The following BMPER variants were observed in gnomAD, a reference collection of about 807,000 sequenced individuals.
BMPER encodes BMP binding endothelial regulator.
In BMPER, 45 loss-of-function variants were observed where a neutral mutation model predicts 87.3. The observed-to-expected ratio is 0.52, with a 90% CI of 0.41 to 0.66. The LOEUF is 0.66. Among genes scored for constraint, BMPER ranks in the 30% least tolerant of loss-of-function variants. The pLI is 0.00. For synonymous variants in BMPER, 326 were observed against 316.2 expected (o/e 1.03, Z -0.33); for missense variants, 784 against 867.5 (o/e 0.90, Z 1.21).
chr7:34,107,373 AG>A (rs1789845475), intron 13 of BMPER, among the ~76,000 whole-genome samples: 1 of 152,216 alleles, frequency 6.6e-6, no homozygotes, highest in African/African-American at 2.4e-5. Context: ...TATTAACTGA[AG>A]AGCATTCGCA....
chr7:34,021,782 A>G (rs1052236750), intron 6 of BMPER, among the ~76,000 whole-genome samples: 1 of 152,184 alleles, frequency 6.6e-6, no homozygotes, highest in Non-Finnish European at 1.5e-5. Flanking sequence ...GAAAATACCA[A>G]GTTGTCCAAG....
rs550249198 is a variant in BMPER at position 34,084,055 on chromosome 7, G to A, written c.1409-1701G>A. ...GCAGTGGCTCACGCCTGTAATCCCA[G>A]TGTTTCGGGAAGCCAAGGCGAGTGG... On this transcript the variant is annotated intron_variant, in intron 12 of 14. Coordinates refer to ENST00000649409, the MANE Select transcript of BMPER (RefSeq NM_001365308.1). Among the ~76,000 whole-genome samples, 50 of 150,754 alleles carry A rather than the reference G, an allele frequency of 3.3e-4. No individual in the cohort carries two copies. In the South Asian group the frequency reaches 5.3e-3, roughly 16 times the overall value.
In BMPER at chr7:34,085,717, A is replaced by G. The variant is rs769244947; in HGVS notation, c.1409-39A>G. ...ACATTTGGGAATTATTAGTGCGTTA[A>G]TGAGTGATTGATTTCCTTTTCCTCT... is the stretch of plus-strand genomic sequence containing the variant. On this transcript the variant is annotated intron_variant, in intron 12 of 14. Coordinates refer to ENST00000649409, the MANE Select transcript of BMPER (RefSeq NM_001365308.1). The G allele has an allele frequency of 1.5e-5, 23 of 1,544,098 alleles. No homozygotes were observed. In the Admixed American group the frequency reaches 3.4e-4, roughly 23 times the overall value.
chr7:34,108,069 A>G (rs189847413), intron 13 of BMPER, among the ~76,000 whole-genome samples: 28 of 152,256 alleles, frequency 1.8e-4, no homozygotes, highest in Non-Finnish European at 4.1e-4. Context: ...GACAAAACAA[A>G]TAAATACCTT....
At chr7:34,123,408 T>C (rs781263653) in intron 13 of BMPER, among the ~76,000 whole-genome samples, 4 of 152,190 alleles carry the variant, frequency 2.6e-5, no homozygotes, top group Non-Finnish European at 4.4e-5. Context: ...TCCTGGGGTA[T>C]ATGTATTTCT....
intron 3 of BMPER, among the ~76,000 whole-genome samples, chr7:33,941,709 G>T (rs1373445243): frequency 6.6e-6 from 1 of 152,188 alleles, no homozygotes; most frequent in East Asian, 1.9e-4. Context: ...CTCAGGCGGT[G>T]ATGTGAGCGA....
chr7:33,960,160 C>G (rs1249652224), intron 3 of BMPER, among the ~76,000 whole-genome samples: 1 of 152,174 alleles, frequency 6.6e-6, no homozygotes, highest in Non-Finnish European at 1.5e-5. Flanking sequence ...AGTTCATGGG[C>G]CTGATTCTTT....
intron 6 of BMPER, among the ~76,000 whole-genome samples, chr7:33,979,189 A>G (rs1785775237): frequency 6.6e-6 from 1 of 152,078 alleles, no homozygotes. Flanking sequence ...GCATATGCAT[A>G]CACACGTTTG....
chr7:33,960,442 T>C (rs1383183706), intron 3 of BMPER, among the ~76,000 whole-genome samples: 1 of 152,214 alleles, frequency 6.6e-6, no homozygotes, highest in Non-Finnish European at 1.5e-5. Flanking sequence ...TGGGGCTTAT[T>C]GACCAAGTCC....
intron 13 of BMPER, among the ~76,000 whole-genome samples, chr7:34,098,551 A>G (rs1355149060): frequency 3.3e-5 from 5 of 152,082 alleles, no homozygotes; most frequent in Admixed American, 1.3e-4. Context: ...GATCCTTACC[A>G]TCTTACCTAG....
chr7:34,092,410 G>A (rs1164033176), intron 13 of BMPER, among the ~76,000 whole-genome samples: 1 of 152,176 alleles, frequency 6.6e-6, no homozygotes, highest in African/African-American at 2.4e-5. Flanking sequence ...ATCCACAGAT[G>A]TTTCTGCCCT....
intron 2 of BMPER, among the ~76,000 whole-genome samples, chr7:33,924,000 C>G (rs1784297818): frequency 6.6e-6 from 1 of 152,198 alleles, no homozygotes; most frequent in African/African-American, 2.4e-5. Context: ...TGCAGTCCAG[C>G]TGCATCTGTC....
chr7:33,923,069 C>T (rs1056912995), intron 2 of BMPER, among the ~76,000 whole-genome samples: 2 of 152,096 alleles, frequency 1.3e-5, no homozygotes, highest in Non-Finnish European at 2.9e-5. Context: ...TTGGCCAGTG[C>T]CTGCCTGTAT....
chr7:33,984,564 A>G (rs1007437542), intron 6 of BMPER, among the ~76,000 whole-genome samples: 10 of 152,092 alleles, frequency 6.6e-5, no homozygotes, highest in African/African-American at 2.2e-4. Flanking sequence ...AATTTTATGG[A>G]GGAGTTGGGT....
At chr7:34,137,693 G>T (rs1790755910) in intron 13 of BMPER, among the ~76,000 whole-genome samples, 2 of 152,252 alleles carry the variant, frequency 1.3e-5, no homozygotes, top group Non-Finnish European at 2.9e-5. Flanking sequence ...GATTTTTCCA[G>T]TGGAAAAGAC....
rs557318342 is a variant in BMPER, at chr7:34,114,191, G to A, written c.1745+28099G>A. On this transcript the variant is annotated intron_variant, in intron 13 of 14. Transcript: ENST00000649409. ...GCACATGTTTTTCCAGGATCTCTGG[G>A]AGTTCACCTCCATCCCTGTGGGGGC... 2.6e-5 allele frequency among the ~76,000 whole-genome samples: 4 copies of A among 152,260 alleles called. No individual in the cohort carries two copies. The South Asian group carries it at 8.3e-4, about 32-fold the overall frequency.
chr7:33,905,815 GCTTGCCCCGGGGATGGGA>G, intron 1 of BMPER, 69 bp downstream of exon 1: 1 of 1,392,580 alleles, frequency 7.2e-7, no homozygotes, highest in Non-Finnish European at 9.9e-7. Context: ...GGTGGCGCTG[GCTTGCCCCGGGGATGGGA>G]GGGTGGGGAG....
chr7:34,153,483 G>A lies in BMPER; in HGVS notation c.*210G>A, dbSNP rs1791237835. The A allele has an allele frequency of 1.8e-6, 1 of 564,704 alleles. No homozygotes were observed. Among genetic ancestry groups the A allele is most frequent in the East Asian group, 3.1e-5 (1 of 31,906 alleles). The allele number at this position is 564,704 out of a possible 1,614,324, so 35.0% of individuals were successfully genotyped here. A position where few individuals can be genotyped will look rare whatever the true frequency, so the allele number is the denominator to read the frequency against. Reference sequence around the variant, plus strand: ...ATTATATGTATATTTTTTGCTATAAGACATGTATTGTTTCTAGGATCCTAA... The same window carrying A: ...ATTATATGTATATTTTTTGCTATAAAACATGTATTGTTTCTAGGATCCTAA... On this transcript the variant is annotated 3_prime_UTR_variant, in exon 15 of 15. Coordinates refer to ENST00000649409, the MANE Select transcript of BMPER (RefSeq NM_001365308.1).
chr7:34,019,669 T>C (rs1305416331), intron 6 of BMPER, among the ~76,000 whole-genome samples: 1 of 152,010 alleles, frequency 6.6e-6, no homozygotes, highest in African/African-American at 2.4e-5. Context: ...CATGTGGACC[T>C]CTACTGTGGG....
Sources: allele counts gnomAD v4.1 joint callset (sites outside exome capture counted in the v4.1 genomes callset), GRCh38; gene constraint gnomAD v4.1.1; transcripts MANE v1.5; gene names NCBI Gene and HGNC (gene_info 2026-07-23, HGNC 2026-07-21).